Variants in IL33 observed in about 807,000 individuals in gnomAD.
The protein encoded by IL33 is interleukin-33.
IL33 carries 37 observed loss-of-function variants against 27.3 expected under a neutral mutation model. The ratio of observed to expected loss-of-function variants is 1.36; its 90% CI spans 1.04 to 1.78. The LOEUF (loss-of-function observed/expected upper bound fraction) is 1.78, where lower values mean the gene tolerates loss of function less well. IL33 is among the 40% of genes most tolerant of loss of function. The pLI is 0.00. For missense variants in IL33, 406 were observed against 311.4 expected (o/e 1.30, Z -2.29); for synonymous variants, 132 against 102.9 (o/e 1.28, Z -1.71).
intron 1 of IL33, among the ~76,000 whole-genome samples, chr9:6,217,006 T>C (rs1048318958): frequency 3.9e-5 from 6 of 152,130 alleles, no homozygotes; most frequent in Non-Finnish European, 8.8e-5. Flanking sequence ...CCCAAAAATT[T>C]GGAGGCTAGG....
rs752864073 is a variant in IL33, at chr9:6,251,126, C to T, written c.218-14C>T. On this transcript the variant is annotated splice_polypyrimidine_tract_variant and intron_variant, in intron 3 of 7. Coordinates refer to ENST00000682010, the MANE Select transcript of IL33 (RefSeq NM_033439.4). ...GGGATTGATGGTCTATCCCTAATCC[C>T]ATCCGGTCTGCAGGTAGAAAGCACA... 3.7e-6 allele frequency: 6 copies of T among 1,612,870 alleles called. No individual in the cohort carries two copies. Among genetic ancestry groups the T allele is most frequent in the Non-Finnish European group, 3.4e-6 (4 of 1,179,334 alleles).
chr9:6,244,795 G>C (rs1379433992), intron 2 of IL33, among the ~76,000 whole-genome samples: 1 of 152,148 alleles, frequency 6.6e-6, no homozygotes, highest in Admixed American at 6.5e-5. Flanking sequence ...GCTGCTCTAA[G>C]ATGCCAAGAC....
At chr9:6,220,092 T>C (rs1818344872) in intron 1 of IL33, among the ~76,000 whole-genome samples, 1 of 152,212 alleles carries the variant, frequency 6.6e-6, no homozygotes. Flanking sequence ...TACATTCACC[T>C]TTTGCCCTAG....
rs768931199 is a variant in IL33, at chr9:6,254,477, G to A, written c.536G>A (p.Gly179Asp). The change falls in exon 7 of 8, where the codon GGT becomes GAT. Residue 179 changes from glycine to aspartate, a missense_variant. Coordinates refer to ENST00000682010, the MANE Select transcript of IL33 (RefSeq NM_033439.4). Reference sequence around the variant, plus strand: ...TAATTGTAAGGTGACGGTGTTGATGGTAAGATGTTAATGGTAACCCTGAGT... The same window carrying A: ...TAATTGTAAGGTGACGGTGTTGATGATAAGATGTTAATGGTAACCCTGAGT... ...PSNESGDGVD[G>D]KMLMVTLSPT... 1.9e-6 allele frequency: 3 copies of A among 1,588,018 alleles called. No individual in the cohort carries two copies. In the East Asian group the frequency reaches 6.7e-5, roughly 36 times the overall value.
rs140914233 is a variant in IL33 at position 6,234,339 on chromosome 9, A to G, written c.-11-7345A>G. 9.9e-5 allele frequency among the ~76,000 whole-genome samples: 15 copies of G among 152,242 alleles called. No homozygotes were observed. The East Asian group carries it at 2.9e-3, about 29-fold the overall frequency. ...CTCAAACTCCATCTGCCCTACATCA[A>G]ACTAATTCCCTGTCCCTGTCACTGA... On this transcript the variant is annotated intron_variant, in intron 1 of 7. Coordinates refer to ENST00000682010, the MANE Select transcript of IL33 (RefSeq NM_033439.4).
chr9:6,226,585 C>CT (rs2130139839), intron 1 of IL33, among the ~76,000 whole-genome samples: 2 of 152,218 alleles, frequency 1.3e-5, no homozygotes, highest in African/African-American at 4.8e-5. Context: ...GTCACTGACT[C>CT]TTTTCACTTG....
chr9:6,229,321 G>A (rs1240672557), intron 1 of IL33, among the ~76,000 whole-genome samples: 1 of 152,134 alleles, frequency 6.6e-6, no homozygotes, highest in African/African-American at 2.4e-5. Flanking sequence ...TTGATCCACT[G>A]GGGCCCTCAA....
At chr9:6,243,674 G>C (rs1027906155) in intron 2 of IL33, among the ~76,000 whole-genome samples, 2 of 152,156 alleles carry the variant, frequency 1.3e-5, no homozygotes. Flanking sequence ...GCAATTTTAG[G>C]ATCTGTTTTT....
intron 2 of IL33, among the ~76,000 whole-genome samples, chr9:6,247,771 C>T (rs922987636): frequency 6.6e-6 from 1 of 152,064 alleles, no homozygotes; most frequent in South Asian, 2.1e-4. Context: ...ACACTTTCAG[C>T]TTCCCAAAAC....
chr9:6,224,971 C>A (rs10815377), intron 1 of IL33, among the ~76,000 whole-genome samples: 1 of 151,498 alleles, frequency 6.6e-6, no homozygotes, highest in African/African-American at 2.4e-5. Flanking sequence ...ACCTGCCTTT[C>A]CCCTGTGTAT....
intron 1 of IL33, among the ~76,000 whole-genome samples, chr9:6,231,336 G>C (rs1034479503): frequency 1.3e-5 from 2 of 152,084 alleles, no homozygotes; most frequent in Admixed American, 1.3e-4. Flanking sequence ...TTCACATTAT[G>C]CTCTCCCCAT....
At chr9:6,233,702 A>G (rs1408664855) in intron 1 of IL33, among the ~76,000 whole-genome samples, 1 of 152,218 alleles carries the variant, frequency 6.6e-6, no homozygotes, top group Admixed American at 6.5e-5. Context: ...TATAACAGTT[A>G]TTATGAAAAT....
intron 2 of IL33, among the ~76,000 whole-genome samples, chr9:6,242,942 G>A (rs542164869): frequency 6.6e-6 from 1 of 152,192 alleles, no homozygotes; most frequent in African/African-American, 2.4e-5. Context: ...GGTCACATAG[G>A]GGGAGAACAG....
chr9:6,249,502 A>C (rs1022998839), intron 2 of IL33, among the ~76,000 whole-genome samples: 2 of 152,212 alleles, frequency 1.3e-5, no homozygotes, highest in African/African-American at 4.8e-5. Context: ...ATGATTTTCC[A>C]AGTAGCAAAT....
intron 1 of IL33, among the ~76,000 whole-genome samples, chr9:6,225,010 G>A (rs1327908603): frequency 1.3e-5 from 2 of 152,106 alleles, no homozygotes; most frequent in Non-Finnish European, 2.9e-5. Flanking sequence ...TATATGCTGA[G>A]ATTTGCACCC....
At chr9:6,226,878 C>G (rs1818661021) in intron 1 of IL33, among the ~76,000 whole-genome samples, 1 of 152,196 alleles carries the variant, frequency 6.6e-6, no homozygotes, top group Non-Finnish European at 1.5e-5. Flanking sequence ...ACTCATTTGT[C>G]CTGAAGACTT....
intron 1 of IL33, among the ~76,000 whole-genome samples, chr9:6,217,118 T>C (rs1818182283): frequency 6.6e-6 from 1 of 152,088 alleles, no homozygotes; most frequent in South Asian, 2.1e-4. Flanking sequence ...TCCTCGTGTA[T>C]GCACTGAGTC....
rs1033855456 is a variant in IL33 at position 6,257,605 on chromosome 9, G to T, written c.*1437G>T. 6.6e-6 allele frequency: 1 copy of T among 152,334 alleles called. No homozygotes were observed. The highest frequency in any genetic ancestry group is 1.5e-5 in the Non-Finnish European group (1 of 67,980). The allele number at this position is 152,334 out of a possible 1,614,324, so 9.4% of individuals were successfully genotyped here. ...GCAATTTCTATTACAACTTTTCTTA[G>T]ACTTAACACTTATGATAAATGACTA... On this transcript the variant is annotated 3_prime_UTR_variant, in exon 8 of 8. Coordinates refer to ENST00000682010, the MANE Select transcript of IL33 (RefSeq NM_033439.4).
At chr9:6,255,668 C>T (rs1255365984) in intron 7 of IL33, among the ~76,000 whole-genome samples, 1 of 152,082 alleles carries the variant, frequency 6.6e-6, no homozygotes, top group Admixed American at 6.6e-5. Flanking sequence ...TCCCCAAGAT[C>T]TCAGAGATAG....
Sources: gnomAD v4.1 joint callset for allele counts (sites outside exome capture counted in the v4.1 genomes callset) on GRCh38, gnomAD v4.1.1 for gene constraint, MANE v1.5 for transcripts, NCBI Gene and HGNC (gene_info 2026-07-23, HGNC 2026-07-21) for gene names.